Variants in HDHD2 observed in about 807,000 individuals in gnomAD.
The protein encoded by HDHD2 is haloacid dehalogenase-like hydrolase domain-containing protein 2.
A neutral mutation model predicts 24.8 loss-of-function variants in HDHD2; 26 were observed. The observed-to-expected ratio is 1.05, with a 90% CI of 0.77 to 1.45. The LOEUF is 1.45. Ranked by LOEUF, HDHD2 falls within the 40% of genes most tolerant of loss-of-function variation. The probability of loss-of-function intolerance (pLI) is 0.00; values close to 1 mark genes in which losing one functional copy is unlikely to be tolerated. For synonymous variants in HDHD2, 128 were observed against 114.9 expected (o/e 1.11, Z -0.73); for missense variants, 299 against 313.4 (o/e 0.95, Z 0.35).
intron 1 of HDHD2, among the ~76,000 whole-genome samples, chr18:47,147,144 C>G (rs2063879537): frequency 6.6e-6 from 1 of 152,150 alleles, no homozygotes. Context: ...GCATAAAAGC[C>G]TCCACCTTCA....
intron 1 of HDHD2, among the ~76,000 whole-genome samples, chr18:47,140,385 C>T (rs912769294): frequency 2.0e-5 from 3 of 152,178 alleles, no homozygotes; most frequent in Admixed American, 6.5e-5. Flanking sequence ...AAATGGCTTG[C>T]ATATATTTGT....
intron 4 of HDHD2, among the ~76,000 whole-genome samples, chr18:47,120,803 G>A (rs1477719301): frequency 1.3e-5 from 2 of 152,138 alleles, no homozygotes; most frequent in Admixed American, 6.5e-5. Context: ...GCATCATTGT[G>A]TCTCAGGGAA....
intron 4 of HDHD2, among the ~76,000 whole-genome samples, chr18:47,125,779 A>G (rs999745222): frequency 8.5e-5 from 13 of 152,196 alleles, no homozygotes; most frequent in Non-Finnish European, 1.6e-4. Flanking sequence ...AAAATGTTCT[A>G]TATCTTGATC....
chr18:47,141,146 G>C (rs907735657), intron 1 of HDHD2, among the ~76,000 whole-genome samples: 4 of 152,100 alleles, frequency 2.6e-5, no homozygotes, highest in Non-Finnish European at 5.9e-5. Flanking sequence ...TCTATTCCCA[G>C]TTTGCTAAAA....
chr18:47,135,913 A>G (rs759930170), intron 2 of HDHD2, among the ~76,000 whole-genome samples: 3 of 152,238 alleles, frequency 2.0e-5, no homozygotes, highest in Non-Finnish European at 2.9e-5. Context: ...TCTTTAGCTA[A>G]ACTTTATTTG....
intron 4 of HDHD2, among the ~76,000 whole-genome samples, chr18:47,121,175 G>A (rs1003246657): frequency 6.6e-6 from 1 of 151,374 alleles, no homozygotes; most frequent in African/African-American, 2.4e-5. Flanking sequence ...GCCTGAACAC[G>A]ACGCTGTCTT....
intron 1 of HDHD2, among the ~76,000 whole-genome samples, chr18:47,144,771 G>A (rs1466667435): frequency 7.1e-6 from 1 of 141,634 alleles, no homozygotes; most frequent in Non-Finnish European, 1.5e-5. Context: ...CTGCATTCCA[G>A]CTTGAGCAAC....
chr18:47,125,330 C>T (rs970919599), intron 4 of HDHD2, among the ~76,000 whole-genome samples: 1 of 152,118 alleles, frequency 6.6e-6, no homozygotes, highest in African/African-American at 2.4e-5. Context: ...AACTGTTTGG[C>T]GATATTTACT....
At chr18:47,118,010 T>G (rs1484706265) in intron 4 of HDHD2, among the ~76,000 whole-genome samples, 4 of 151,586 alleles carry the variant, frequency 2.6e-5, no homozygotes, top group African/African-American at 4.8e-5. Context: ...ATTATAATAA[T>G]TACATATATA....
At position 47,123,721 on chromosome 18, in the gene HDHD2, C is replaced by T. The variant is rs370244273; in HGVS notation, c.395+6523G>A. 3.2e-4 allele frequency among the ~76,000 whole-genome samples: 48 copies of T among 151,568 alleles called. No individual in the cohort carries two copies. The East Asian group carries it at 3.5e-3, about 11-fold the overall frequency. On this transcript the variant is annotated intron_variant, in intron 4 of 6. Transcript: ENST00000300605. ...GACAGCAAATGTAAAAAAACAAAAA[C>T]GAAACAAAAAAAAACTAAATAGAGA... is the stretch of plus-strand genomic sequence containing the variant.
At chr18:47,121,929 G>C (rs2063611006) in intron 4 of HDHD2, among the ~76,000 whole-genome samples, 1 of 152,134 alleles carries the variant, frequency 6.6e-6, no homozygotes. Flanking sequence ...AATCAAAGAA[G>C]TCATTTTTAA....
At chr18:47,145,463 G>T (rs2117373) in intron 1 of HDHD2, among the ~76,000 whole-genome samples, 3 of 152,236 alleles carry the variant, frequency 2.0e-5, no homozygotes, top group African/African-American at 7.2e-5. Flanking sequence ...ACAGAAAAAG[G>T]TCCCAATATG....
chr18:47,132,498 A>G (rs2063722918), intron 3 of HDHD2, among the ~76,000 whole-genome samples: 1 of 152,240 alleles, frequency 6.6e-6, no homozygotes, highest in Non-Finnish European at 1.5e-5. Flanking sequence ...AGCTACTGCC[A>G]AATTCCTCTC....
intron 1 of HDHD2, among the ~76,000 whole-genome samples, chr18:47,143,352 T>C (rs775167142): frequency 6.6e-6 from 1 of 152,120 alleles, no homozygotes; most frequent in Non-Finnish European, 1.5e-5. Flanking sequence ...GCTACTGGGA[T>C]TGCGTAAGCC....
intron 1 of HDHD2, among the ~76,000 whole-genome samples, chr18:47,147,730 A>G (rs2063886329): frequency 6.6e-6 from 1 of 152,202 alleles, no homozygotes; most frequent in Non-Finnish European, 1.5e-5. Flanking sequence ...TTACTGAAGC[A>G]TCCACACAGG....
intron 5 of HDHD2, among the ~76,000 whole-genome samples, chr18:47,113,484 T>C (rs1599922264): frequency 6.6e-6 from 1 of 152,228 alleles, no homozygotes; most frequent in African/African-American, 2.4e-5. Flanking sequence ...TCTATCCCAT[T>C]GTCCTAACAG....
chr18:47,119,176 A>G (rs541812097), intron 4 of HDHD2, among the ~76,000 whole-genome samples: 4 of 152,208 alleles, frequency 2.6e-5, no homozygotes, highest in Non-Finnish European at 5.9e-5. Context: ...GGTGGTAGTC[A>G]CTGAAGGTTG....
rs115738675 is a variant in HDHD2 at position 47,114,585 on chromosome 18, C to T, written c.612+547G>A. 8.0e-3 allele frequency among the ~76,000 whole-genome samples: 1,218 copies of T among 152,272 alleles called. 20 individuals carry two copies. The highest frequency in any genetic ancestry group is 0.028 in the African/African-American group (1,155 of 41,558). ...CTGGGGTAAACTGACAAGGTGCTCA[C>T]GGCCACAGGTGACCAGCCAGGGCCT... On this transcript the variant is annotated intron_variant, in intron 5 of 6. Transcript: ENST00000300605.
In HDHD2 at chr18:47,112,990, G is replaced by C; in HGVS notation, c.663C>G (p.Ile221Met). ...GAAGATACATACCAGTCTTTACTAA[G>C]ATGCCCAGCATGCCGACATCTTGAG... Reference protein sequence around the residue: ...GGAQDVGMLGILVKTGKYRAS... With the variant: ...GGAQDVGMLGMLVKTGKYRAS... The change falls in exon 6 of 7, where the codon ATC becomes ATG. Residue 221 changes from isoleucine to methionine, a missense_variant. Coordinates refer to ENST00000300605, the MANE Select transcript of HDHD2 (RefSeq NM_032124.5). 1 of 1,613,766 alleles carries C rather than the reference G, an allele frequency of 6.2e-7. No homozygotes were observed. Among genetic ancestry groups the C allele is most frequent in the Non-Finnish European group, 8.5e-7 (1 of 1,179,700 alleles).
Sources: allele counts gnomAD v4.1 joint callset (sites outside exome capture counted in the v4.1 genomes callset), GRCh38; gene constraint gnomAD v4.1.1; transcripts MANE v1.5; gene names NCBI Gene and HGNC (gene_info 2026-07-23, HGNC 2026-07-21).